RCSD1: variants seen among roughly 807,000 people sequenced by gnomAD.
RCSD1 encodes RCSD domain containing 1, also known as capZ-interacting protein.
In RCSD1, 26 loss-of-function variants were observed where a neutral mutation model predicts 42.5. The observed-to-expected ratio is 0.61, with a 90% CI of 0.45 to 0.85. The LOEUF is 0.85. RCSD1 is among the 40% of genes least tolerant of loss of function. RCSD1 has a pLI of 0.00. For synonymous variants in RCSD1, 220 were observed against 212.2 expected (o/e 1.04, Z -0.32); for missense variants, 571 against 528.3 (o/e 1.08, Z -0.79).
chr1:167,662,421 C>G (rs1658559773), intron 1 of RCSD1, among the ~76,000 whole-genome samples: 1 of 152,126 alleles, frequency 6.6e-6, no homozygotes, highest in African/African-American at 2.4e-5. Flanking sequence ...CTCTCTTTCT[C>G]TTTCTGCCTC....
intron 4 of RCSD1, among the ~76,000 whole-genome samples, chr1:167,692,723 C>T (rs74120633): frequency 0.038 from 5,824 of 152,186 alleles, 176 homozygotes; most frequent in African/African-American, 0.078. Flanking sequence ...ATTTTATATA[C>T]TGAACTCTTA....
intron 1 of RCSD1, among the ~76,000 whole-genome samples, chr1:167,663,239 G>C (rs575655585): frequency 2.2e-4 from 33 of 152,328 alleles, no homozygotes; most frequent in Admixed American, 2.0e-3. Flanking sequence ...TTCACCCACA[G>C]AAGCCTTTGA....
In RCSD1 at chr1:167,674,935, G is replaced by A. The variant is rs188085287; in HGVS notation, c.7-8965G>A. On this transcript the variant is annotated intron_variant, in intron 1 of 6. Transcript: ENST00000367854. ...AATAAAGACATATCCAGCCGGGTGC[G>A]GTGGCTCACACCTGTAATCCCAGCA... 1.6e-3 allele frequency among the ~76,000 whole-genome samples: 242 copies of A among 152,124 alleles called. 4 individuals are homozygous for A. The highest frequency in any genetic ancestry group is 0.016 in the East Asian group (82 of 5,168).
intron 6 of RCSD1, among the ~76,000 whole-genome samples, chr1:167,702,781 A>C (rs116758754): frequency 0.017 from 2,540 of 152,270 alleles, 41 homozygotes; most frequent in Admixed American, 0.04. Context: ...TCTAAAAATA[A>C]ATAAAATAAA....
At chr1:167,643,133 T>C (rs918442668) in intron 1 of RCSD1, among the ~76,000 whole-genome samples, 5 of 152,236 alleles carry the variant, frequency 3.3e-5, no homozygotes, top group Non-Finnish European at 5.9e-5. Flanking sequence ...AGATTATGCA[T>C]GTAATAAATA....
Position 167,694,217 on chromosome 1 carries a change from T to G in RCSD1, c.389T>G (p.Val130Gly). 6.2e-7 allele frequency: 1 copy of G among 1,614,186 alleles called. No individual in the cohort carries two copies. The highest frequency in any genetic ancestry group is 1.6e-4 in the Middle Eastern group (1 of 6,062). Reference sequence around the variant, plus strand: ...CCTTCTACCCCCAGCAGCCCTGGTGTGCGATCTAGGCCCAGCGAGGCAGAG... The same window carrying G: ...CCTTCTACCCCCAGCAGCCCTGGTGGGCGATCTAGGCCCAGCGAGGCAGAG... ...SPPSTPSSPG[V>G]RSRPSEAEEV... Residue 130 changes from valine to glycine, a missense_variant, in exon 5 of 7, where the codon GTG becomes GGG. By Grantham distance (109) the Val-to-Gly change is moderately radical (BLOSUM62 -3). Transcript: ENST00000367854.
intron 1 of RCSD1, among the ~76,000 whole-genome samples, chr1:167,644,507 A>T (rs2102201228): frequency 6.6e-6 from 1 of 151,804 alleles, no homozygotes; most frequent in South Asian, 2.1e-4. Context: ...ATACATACAT[A>T]CATACATACA....
chr1:167,662,561 CT>C (rs1223016762), intron 1 of RCSD1, among the ~76,000 whole-genome samples: 1 of 152,172 alleles, frequency 6.6e-6, no homozygotes, highest in African/African-American at 2.4e-5. Flanking sequence ...TTGTGGACAC[CT>C]CCTAGGCTAT....
chr1:167,636,040 G>A (rs777409882), intron 1 of RCSD1, among the ~76,000 whole-genome samples: 18 of 152,190 alleles, frequency 1.2e-4, no homozygotes, highest in Non-Finnish European at 2.2e-4. Flanking sequence ...AGCCAGACCC[G>A]AATGAACACT....
intron 1 of RCSD1, among the ~76,000 whole-genome samples, chr1:167,682,542 A>T (rs1359368351): frequency 6.6e-6 from 1 of 152,126 alleles, no homozygotes; most frequent in Non-Finnish European, 1.5e-5. Context: ...AGGTGAGGAG[A>T]TCTGCCCCTC....
At chr1:167,702,403 C>A (rs1476059793) in intron 6 of RCSD1, among the ~76,000 whole-genome samples, 1 of 152,212 alleles carries the variant, frequency 6.6e-6, no homozygotes, top group Non-Finnish European at 1.5e-5. Context: ...CAAGTCACTG[C>A]ACTTAGGATT....
chr1:167,651,337 C>T (rs1223511937), intron 1 of RCSD1, among the ~76,000 whole-genome samples: 1 of 152,198 alleles, frequency 6.6e-6, no homozygotes, highest in Non-Finnish European at 1.5e-5. Context: ...GCTCTGAACA[C>T]CCGATCTGTA....
chr1:167,685,287 AC>A, intron 2 of RCSD1, 133 bp from the exon 3 acceptor site: 1 of 601,662 alleles, frequency 1.7e-6, no homozygotes, highest in Non-Finnish European at 2.9e-6. Flanking sequence ...ATATTCCTAC[AC>A]TTCCCTAACA....
chr1:167,672,206 C>G (rs1349398565), intron 1 of RCSD1, among the ~76,000 whole-genome samples: 1 of 152,210 alleles, frequency 6.6e-6, no homozygotes, highest in Non-Finnish European at 1.5e-5. Flanking sequence ...CTGCCTAGCT[C>G]TCTCCACTGG....
At chr1:167,642,220 G>C (rs988679843) in intron 1 of RCSD1, among the ~76,000 whole-genome samples, 1 of 152,212 alleles carries the variant, frequency 6.6e-6, no homozygotes, top group Non-Finnish European at 1.5e-5. Flanking sequence ...TTAGTGGCCT[G>C]ATAGAGTCTT....
At position 167,690,031 on chromosome 1, in the gene RCSD1, G is replaced by A; in HGVS notation, c.199-18G>A. 6.2e-7 allele frequency: 1 copy of A among 1,612,984 alleles called. No homozygotes were observed. Among genetic ancestry groups the A allele is most frequent in the Non-Finnish European group, 8.5e-7 (1 of 1,179,270 alleles). On this transcript the variant is annotated intron_variant, in intron 3 of 6. Coordinates refer to ENST00000367854, the MANE Select transcript of RCSD1 (RefSeq NM_052862.4). Reference sequence around the variant, plus strand: ...CTCACCTTACTTATCTGGTTGTTTTGGTTGATTTGCTCCATAGAAATCACC... The same window carrying A: ...CTCACCTTACTTATCTGGTTGTTTTAGTTGATTTGCTCCATAGAAATCACC...
At chr1:167,645,612 A>T (rs533191502) in intron 1 of RCSD1, among the ~76,000 whole-genome samples, 1 of 152,186 alleles carries the variant, frequency 6.6e-6, no homozygotes, top group African/African-American at 2.4e-5. Flanking sequence ...AATTTTTTTT[A>T]AACAGATGGT....
chr1:167,659,581 C>A (rs1482902050), intron 1 of RCSD1, among the ~76,000 whole-genome samples: 1 of 152,252 alleles, frequency 6.6e-6, no homozygotes, highest in East Asian at 1.9e-4. Flanking sequence ...CAGAGCCAGG[C>A]GTGGGAATCC....
intron 1 of RCSD1, among the ~76,000 whole-genome samples, chr1:167,657,698 C>T (rs1445949270): frequency 6.6e-6 from 1 of 152,102 alleles, no homozygotes; most frequent in Non-Finnish European, 1.5e-5. Flanking sequence ...CTCACTGCAG[C>T]GTTGTTTTCC....
Sources: allele counts gnomAD v4.1 joint callset (sites outside exome capture counted in the v4.1 genomes callset), GRCh38; gene constraint gnomAD v4.1.1; transcripts MANE v1.5; gene names NCBI Gene and HGNC (gene_info 2026-07-23, HGNC 2026-07-21).